Variants in ADARB2 observed in about 807,000 individuals in gnomAD.
ADARB2 encodes adenosine deaminase RNA specific B2 (inactive).
ADARB2 carries 25 observed loss-of-function variants against 62.2 expected under a neutral mutation model. The ratio of observed to expected loss-of-function variants is 0.40; its 90% CI spans 0.29 to 0.56. The LOEUF (loss-of-function observed/expected upper bound fraction) is 0.56, where lower values mean the gene tolerates loss of function less well. ADARB2 is among the 20% of genes least tolerant of loss of function. The probability of loss-of-function intolerance (pLI) is 0.43; values close to 1 mark genes in which losing one functional copy is unlikely to be tolerated. For synonymous variants in ADARB2, 572 were observed against 500.8 expected (o/e 1.14, Z -1.90); for missense variants, 1,071 against 1,077.4 (o/e 0.99, Z 0.08).
intron 3 of ADARB2, among the ~76,000 whole-genome samples, chr10:1,330,039 G>A (rs1831914566): frequency 6.7e-6 from 1 of 148,908 alleles, no homozygotes; most frequent in African/African-American, 2.5e-5. Flanking sequence ...CCCTTGCATG[G>A]TATTTTATGA....
At chr10:1,290,475 C>T (rs1470616020) in intron 3 of ADARB2, 1 of 152,270 alleles carries the variant, frequency 6.6e-6, no homozygotes, top group Non-Finnish European at 1.5e-5. Context: ...GGTGGGCTGG[C>T]TCGCTGACAC....
chr10:1,565,528 G>C (rs766400442), intron 1 of ADARB2, among the ~76,000 whole-genome samples: 3 of 152,146 alleles, frequency 2.0e-5, no homozygotes, highest in Non-Finnish European at 2.9e-5. Flanking sequence ...AGGCAGCAGG[G>C]AAAGGGGCCA....
intron 4 of ADARB2, among the ~76,000 whole-genome samples, chr10:1,251,339 TATATG>T (rs1176306635): frequency 6.6e-6 from 1 of 152,194 alleles, no homozygotes; most frequent in Non-Finnish European, 1.5e-5. Context: ...GTCTACATAT[TATATG>T]ATTTCAACTA....
chr10:1,376,175 A>G (rs1044112879), intron 2 of ADARB2, among the ~76,000 whole-genome samples: 1 of 152,224 alleles, frequency 6.6e-6, no homozygotes, highest in Non-Finnish European at 1.5e-5. Context: ...ACAGGGATCT[A>G]GGAAGGGAGG....
chr10:1,492,216 G>C (rs576656928), intron 1 of ADARB2, among the ~76,000 whole-genome samples: 34 of 152,304 alleles, frequency 2.2e-4, no homozygotes, highest in Admixed American at 2.0e-3. Flanking sequence ...AGAATGGCTG[G>C]GGGAGGGGCT....
intron 1 of ADARB2, among the ~76,000 whole-genome samples, chr10:1,547,011 C>A (rs964001308): frequency 6.6e-6 from 1 of 152,242 alleles, no homozygotes; most frequent in African/African-American, 2.4e-5. Context: ...GTAAACACAG[C>A]CTGGCAGGAG....
intron 1 of ADARB2, among the ~76,000 whole-genome samples, chr10:1,422,204 A>G (rs1183068863): frequency 6.6e-6 from 1 of 152,246 alleles, no homozygotes; most frequent in Non-Finnish European, 1.5e-5. Flanking sequence ...AAGATTCAAA[A>G]TATATGGAAT....
chr10:1,327,672 C>T lies in ADARB2; in HGVS notation c.1077+35356G>A, dbSNP rs1279147896. Among the ~76,000 whole-genome samples, 7 of 88,994 alleles carry T rather than the reference C, an allele frequency of 7.9e-5. 1 individual carries two copies. Among genetic ancestry groups the T allele is most frequent in the African/African-American group, 2.2e-4 (5 of 22,910 alleles). The allele number at this position is 88,994 out of a possible 152,430, so 58.4% of individuals were successfully genotyped here. The stretch of plus-strand genomic sequence containing the variant: ...TGCCCAGCGCCTCCGCACTGCACAG[C>T]GCCTCCTCACTGCACAGCGCCTCGT... On this transcript the variant is annotated intron_variant, in intron 3 of 9. Transcript: ENST00000381312.
At chr10:1,206,483 GC>G (rs1195035398) in intron 7 of ADARB2, among the ~76,000 whole-genome samples, 122 of 151,608 alleles carry the variant, frequency 8.0e-4, no homozygotes, top group Non-Finnish European at 1.2e-3. Flanking sequence ...TGAGAGAACT[GC>G]GGGGTCTCCT....
rs997057118 is a variant in ADARB2, at chr10:1,221,751, C to CT, written c.1514-4633dup. Among the ~76,000 whole-genome samples the CT allele has an allele frequency of 4.1e-4, 63 of 152,082 alleles. 1 individual carries two copies. Among genetic ancestry groups the CT allele is most frequent in the African/African-American group, 1.3e-3 (52 of 41,462 alleles). On this transcript the variant is annotated intron_variant, in intron 6 of 9. Coordinates refer to ENST00000381312, the MANE Select transcript of ADARB2 (RefSeq NM_018702.4). ...GTCCCTACAAAGGACATGAACTCAT[C>CT]TTTTTTTTATGGCTGCATAGTATTC...
At chr10:1,537,037 G>A (rs1209295474) in intron 1 of ADARB2, among the ~76,000 whole-genome samples, 1 of 152,152 alleles carries the variant, frequency 6.6e-6, no homozygotes, top group African/African-American at 2.4e-5. Context: ...CCTACAGAAT[G>A]GGAGAAAAAT....
At chr10:1,502,128 T>C (rs1214907215) in intron 1 of ADARB2, among the ~76,000 whole-genome samples, 1 of 152,216 alleles carries the variant, frequency 6.6e-6, no homozygotes, top group African/African-American at 2.4e-5. Context: ...CTGGGTGCCA[T>C]CAAGAACGGA....
chr10:1,352,619 G>A (rs1210494187), intron 3 of ADARB2, among the ~76,000 whole-genome samples: 1 of 152,148 alleles, frequency 6.6e-6, no homozygotes, highest in East Asian at 1.9e-4. Context: ...ACTTTTAGAG[G>A]CCCTCAAAAT....
Position 1,353,391 on chromosome 10 carries a change from G to A in ADARB2, c.1077+9637C>T, listed in dbSNP as rs567728041. Reference sequence around the variant, plus strand: ...TTCCCTTTCTTCCAGCGCCTACACAGCTGTACCCGCTTACATGCAGACCGG... The same window carrying A: ...TTCCCTTTCTTCCAGCGCCTACACAACTGTACCCGCTTACATGCAGACCGG... On this transcript the variant is annotated intron_variant, in intron 3 of 9. Transcript: ENST00000381312. 2.0e-5 allele frequency among the ~76,000 whole-genome samples: 3 copies of A among 152,098 alleles called. No homozygotes were observed. In the South Asian group the frequency reaches 6.2e-4, roughly 32 times the overall value.
At chr10:1,209,451 A>G (rs1241102404) in intron 7 of ADARB2, among the ~76,000 whole-genome samples, 1 of 141,902 alleles carries the variant, frequency 7.0e-6, no homozygotes, top group African/African-American at 2.7e-5. Context: ...AGCCTGGCCC[A>G]CACCCACACC....
chr10:1,601,488 T>A (rs928561294), intron 1 of ADARB2, among the ~76,000 whole-genome samples: 4 of 152,226 alleles, frequency 2.6e-5, no homozygotes, highest in Non-Finnish European at 5.9e-5. Flanking sequence ...ATTTAAAGCC[T>A]ACTTTAAAAA....
intron 1 of ADARB2, among the ~76,000 whole-genome samples, chr10:1,631,387 G>A (rs1359359806): frequency 6.6e-6 from 1 of 152,156 alleles, no homozygotes; most frequent in Non-Finnish European, 1.5e-5. Flanking sequence ...GGGTTCCACT[G>A]TGAGGTCCCG....
At chr10:1,413,363 T>TGGA (rs751608210) in intron 1 of ADARB2, among the ~76,000 whole-genome samples, 2 of 152,092 alleles carry the variant, frequency 1.3e-5, no homozygotes, top group Non-Finnish European at 2.9e-5. Flanking sequence ...TCTCGCAGAA[T>TGGA]GGAGGCAGAG....
intron 1 of ADARB2, among the ~76,000 whole-genome samples, chr10:1,670,210 C>G (rs4880527): frequency 0.97 from 147,089 of 152,314 alleles, 71,205 homozygotes; most frequent in East Asian, 1. Context: ...AATATGTTTG[C>G]GTATAATTTT....
Sources: gnomAD v4.1 joint callset for allele counts (sites outside exome capture counted in the v4.1 genomes callset) on GRCh38, gnomAD v4.1.1 for gene constraint, MANE v1.5 for transcripts, NCBI Gene and HGNC (gene_info 2026-07-23, HGNC 2026-07-21) for gene names.